Variants in CDH13 observed in about 807,000 individuals in gnomAD.
CDH13 encodes the protein cadherin-13.
A neutral mutation model predicts 63.8 loss-of-function variants in CDH13; 24 were observed. That is an observed-to-expected ratio of 0.38 (90% CI 0.27 to 0.53). CDH13 has a LOEUF of 0.53. CDH13 is among the 20% of genes least tolerant of loss of function. The pLI is 0.85. For synonymous variants in CDH13, 503 were observed against 355.3 expected, an observed-to-expected ratio of 1.42 and a Z score of -4.67; for missense variants, 1,049 against 903.1, an observed-to-expected ratio of 1.16 and a Z score of -2.07.
At chr16:83,053,169 T>C (rs1026315079) in intron 3 of CDH13, among the ~76,000 whole-genome samples, 2 of 152,192 alleles carry the variant, frequency 1.3e-5, no homozygotes, top group African/African-American at 2.4e-5. Flanking sequence ...TATCATCTAA[T>C]AAAGTGAGAA....
chr16:83,244,932 G>A (rs768404969), intron 5 of CDH13, among the ~76,000 whole-genome samples: 41 of 152,044 alleles, frequency 2.7e-4, no homozygotes, highest in Non-Finnish European at 4.6e-4. Flanking sequence ...AAGGAAAAAC[G>A]GTGTTCAGCA....
chr16:83,428,086 T>C (rs376792535), intron 6 of CDH13, among the ~76,000 whole-genome samples: 1 of 152,200 alleles, frequency 6.6e-6, no homozygotes, highest in Non-Finnish European at 1.5e-5. Flanking sequence ...GTCATTTATG[T>C]TCATAAGTTG....
chr16:83,373,693 C>G (rs1408870406), intron 6 of CDH13, among the ~76,000 whole-genome samples: 4 of 152,204 alleles, frequency 2.6e-5, no homozygotes, highest in Admixed American at 6.5e-5. Flanking sequence ...AGAGAGGCAG[C>G]TTTGAAACCA....
At chr16:82,681,269 T>C (rs1436106154) in intron 1 of CDH13, among the ~76,000 whole-genome samples, 1 of 152,206 alleles carries the variant, frequency 6.6e-6, no homozygotes, top group African/African-American at 2.4e-5. Context: ...ACCGTGTGGT[T>C]CCATTTAGAT....
In CDH13 at chr16:83,426,907, C is replaced by CTTTTTTTTTTTTTTTT. The variant is rs71148833; in HGVS notation, c.782-59553_782-59538dup. On this transcript the variant is annotated intron_variant, in intron 6 of 13. Coordinates refer to ENST00000567109, the MANE Select transcript of CDH13 (RefSeq NM_001257.5). The stretch of plus-strand genomic sequence containing the variant: ...TCAGAATCTATAAATATGTTTCTTT[C>CTTTTTTTTTTTTTTTT]TTTTTTTTTTTTTTTTTTTTTTTTT... 3.2e-5 allele frequency among the ~76,000 whole-genome samples: 2 copies of CTTTTTTTTTTTTTTTT among 63,184 alleles called. 1 individual carries two copies. Among genetic ancestry groups the CTTTTTTTTTTTTTTTT allele is most frequent in the Non-Finnish European group, 5.6e-5 (2 of 35,792 alleles). 41.5% of individuals were successfully genotyped at this position (63,184 alleles called of 152,430 possible). A position where few individuals can be genotyped will look rare whatever the true frequency, so the allele number is the denominator to read the frequency against.
At chr16:83,337,580 A>T (rs1001036692) in intron 5 of CDH13, among the ~76,000 whole-genome samples, 2 of 119,634 alleles carry the variant, frequency 1.7e-5, no homozygotes, top group Non-Finnish European at 3.4e-5. Flanking sequence ...CCCTCACCAT[A>T]TTATTCACTG....
chr16:83,655,754 C>A (rs542905403), intron 8 of CDH13, among the ~76,000 whole-genome samples: 1 of 152,186 alleles, frequency 6.6e-6, no homozygotes, highest in Admixed American at 6.5e-5. Flanking sequence ...TCGAGCCTGG[C>A]ATGTAGCAGG....
intron 13 of CDH13, among the ~76,000 whole-genome samples, chr16:83,788,711 G>T (rs1916053229): frequency 6.6e-6 from 1 of 152,160 alleles, no homozygotes; most frequent in East Asian, 1.9e-4. Flanking sequence ...ACAGGCACAG[G>T]TACACTAGCT....
intron 9 of CDH13, 147 bp from the exon 10 acceptor site, chr16:83,678,060 GC>G (rs1477225281): frequency 3.4e-5 from 21 of 618,814 alleles, no homozygotes; most frequent in Admixed American, 1.2e-4. Context: ...CTTAAAGATA[GC>G]CCCCCAGTTA....
At chr16:82,825,306 CCT>C (rs760223316) in intron 1 of CDH13, 4 of 152,134 alleles carry the variant, frequency 2.6e-5, no homozygotes, top group Admixed American at 6.6e-5. Flanking sequence ...AGCCACCCTC[CCT>C]GACTTTGTTT....
chr16:83,650,988 C>A (rs560245714), intron 8 of CDH13, among the ~76,000 whole-genome samples: 2 of 151,916 alleles, frequency 1.3e-5, no homozygotes, highest in African/African-American at 4.8e-5. Flanking sequence ...GCAGTCCCAG[C>A]TACTCTGGGG....
intron 2 of CDH13, among the ~76,000 whole-genome samples, chr16:82,913,905 CAG>C (rs2151269516): frequency 6.6e-6 from 1 of 152,218 alleles, no homozygotes; most frequent in South Asian, 2.1e-4. Flanking sequence ...TGCTGAGAAA[CAG>C]AGTGGTGCAC....
Position 83,800,345 on chromosome 16 carries a change from T to G in CDH13, c.*5315T>G, listed in dbSNP as rs1904312709. 2 of 152,234 alleles carry G rather than the reference T, an allele frequency of 1.3e-5. No homozygotes were observed. Among genetic ancestry groups the G allele is most frequent in the South Asian group, 4.1e-4 (2 of 4,834 alleles). The allele number at this position is 152,234 out of a possible 1,614,324, so 9.4% of individuals were successfully genotyped here. A position where few individuals can be genotyped will look rare whatever the true frequency, so the allele number is the denominator to read the frequency against. On this transcript the variant is annotated 3_prime_UTR_variant, in exon 14 of 14. Coordinates refer to ENST00000567109, the MANE Select transcript of CDH13 (RefSeq NM_001257.5). ...TTCAGACTATTATTAGAGAGTTATA[T>G]CTGTGTTGTCATGCACATGTCAACA...
chr16:83,705,742 C>G (rs964768571), intron 10 of CDH13, among the ~76,000 whole-genome samples: 1 of 152,222 alleles, frequency 6.6e-6, no homozygotes, highest in African/African-American at 2.4e-5. Flanking sequence ...AACCCTAAAG[C>G]TGACCTTACT....
intron 6 of CDH13, among the ~76,000 whole-genome samples, chr16:83,351,661 C>G (rs918628554): frequency 6.6e-6 from 1 of 152,224 alleles, no homozygotes; most frequent in Non-Finnish European, 1.5e-5. Flanking sequence ...CTTTTCTACA[C>G]TTCCATCAAT....
intron 6 of CDH13, among the ~76,000 whole-genome samples, chr16:83,455,796 C>G (rs940140485): frequency 6.6e-6 from 1 of 152,216 alleles, no homozygotes; most frequent in Non-Finnish European, 1.5e-5. Flanking sequence ...AGCATCTCTT[C>G]TGTTAGTGGC....
chr16:83,144,176 G>A (rs1158879003), intron 4 of CDH13, among the ~76,000 whole-genome samples: 3 of 152,168 alleles, frequency 2.0e-5, no homozygotes, highest in Admixed American at 6.5e-5. Context: ...TACCTGGAGA[G>A]CCTACAGATG....
intron 3 of CDH13, among the ~76,000 whole-genome samples, chr16:83,094,840 C>G (rs1597325123): frequency 6.6e-6 from 1 of 152,106 alleles, no homozygotes. Flanking sequence ...TTATAGCTTC[C>G]AAACTGTTAG....
intron 2 of CDH13, among the ~76,000 whole-genome samples, chr16:82,926,994 G>A (rs773132354): frequency 4.7e-5 from 7 of 150,196 alleles, no homozygotes; most frequent in Non-Finnish European, 8.9e-5. Context: ...TGTTTTTCAC[G>A]GTGTCAGTTA....
Sources: allele counts gnomAD v4.1 joint callset (sites outside exome capture counted in the v4.1 genomes callset), GRCh38; gene constraint gnomAD v4.1.1; transcripts MANE v1.5; gene names NCBI Gene and HGNC (gene_info 2026-07-23, HGNC 2026-07-21).